RNFT2: variants seen among roughly 807,000 people sequenced by gnomAD.
The protein encoded by RNFT2 is ring finger protein, transmembrane 2, also known as E3 ubiquitin-protein ligase RNFT2.
Under a neutral mutation model 53.0 loss-of-function variants are expected in RNFT2, and 36 were observed. That is an observed-to-expected ratio of 0.68 (90% confidence interval 0.52 to 0.90). The LOEUF is 0.90. Among genes scored for constraint, RNFT2 ranks in the 40% least tolerant of loss-of-function variants. The pLI is 0.00. For missense variants in RNFT2, 514 were observed against 585.6 expected (o/e 0.88, Z 1.26); for synonymous variants, 260 against 253.2 (o/e 1.03, Z -0.26).
At chr12:116,789,046 AGATG>A (rs1263177506) in intron 7 of RNFT2, among the ~76,000 whole-genome samples, 27 of 109,494 alleles carry the variant, frequency 2.5e-4, no homozygotes, top group Middle Eastern at 7.8e-3. Flanking sequence ...GGAGGAGAGT[AGATG>A]GATGGATGGA....
chr12:116,823,912 G>A lies in RNFT2; in HGVS notation c.883-9880G>A, dbSNP rs138027941. On this transcript the variant is annotated intron_variant, in intron 7 of 10. Coordinates refer to ENST00000257575, the MANE Select transcript of RNFT2 (RefSeq NM_001382266.1). ...CTACCATTAGCCCCATTTTACTAGCGAGGAAACTGAGGCACAAAAGGATGA... is the reference window on the plus strand; with the variant it reads ...CTACCATTAGCCCCATTTTACTAGCAAGGAAACTGAGGCACAAAAGGATGA... Among the ~76,000 whole-genome samples the A allele has an allele frequency of 2.2e-4, 34 of 152,174 alleles. No homozygotes were observed. The East Asian group carries it at 6.2e-3, about 28-fold the overall frequency.
intron 7 of RNFT2, among the ~76,000 whole-genome samples, chr12:116,788,350 A>G (rs1319505025): frequency 6.6e-6 from 1 of 152,184 alleles, no homozygotes; most frequent in Non-Finnish European, 1.5e-5. Context: ...AAACTAACCT[A>G]CAATCTTCTA....
chr12:116,755,472 G>T (rs942901105), intron 5 of RNFT2: 8 of 1,130,288 alleles, frequency 7.1e-6, no homozygotes, highest in Non-Finnish European at 9.5e-6. Context: ...GCTTCTCTGG[G>T]TGGAGCAGGC....
intron 7 of RNFT2, among the ~76,000 whole-genome samples, chr12:116,833,358 G>T (rs985989390): frequency 6.6e-6 from 1 of 152,212 alleles, no homozygotes. Context: ...ATCCTGCCCA[G>T]GCCCCTGAGA....
intron 7 of RNFT2, among the ~76,000 whole-genome samples, chr12:116,830,471 A>G (rs963973467): frequency 6.6e-6 from 1 of 152,006 alleles, no homozygotes; most frequent in Non-Finnish European, 1.5e-5. Flanking sequence ...AATTTTTTGT[A>G]GACACAAGAT....
intron 5 of RNFT2, 109 bp downstream of exon 5, chr12:116,754,169 C>T (rs1872387066): frequency 1.2e-6 from 1 of 834,830 alleles, no homozygotes; most frequent in South Asian, 1.4e-5. Flanking sequence ...ATTCTTATGC[C>T]TTTGCGTCCT....
At chr12:116,806,557 G>T (rs1285299559) in intron 7 of RNFT2, among the ~76,000 whole-genome samples, 1 of 151,684 alleles carries the variant, frequency 6.6e-6, no homozygotes, top group Non-Finnish European at 1.5e-5. Flanking sequence ...CCAAGCCTGG[G>T]CAACATAGTG....
intron 7 of RNFT2, among the ~76,000 whole-genome samples, chr12:116,799,001 T>C (rs1253880848): frequency 6.6e-6 from 1 of 152,260 alleles, no homozygotes; most frequent in East Asian, 1.9e-4. Context: ...GTCAGCTTGA[T>C]TGAGTTTTCT....
At chr12:116,811,073 C>T (rs987310960) in intron 7 of RNFT2, among the ~76,000 whole-genome samples, 10 of 152,092 alleles carry the variant, frequency 6.6e-5, no homozygotes, top group Non-Finnish European at 1.3e-4. Flanking sequence ...CTCCCTTCTC[C>T]ATGCCTCAGT....
At chr12:116,744,343 C>T (rs1480964215) in intron 3 of RNFT2, among the ~76,000 whole-genome samples, 1 of 151,916 alleles carries the variant, frequency 6.6e-6, no homozygotes, top group African/African-American at 2.4e-5. Context: ...CTAAAGACAA[C>T]ATTGTCATCT....
In RNFT2 at chr12:116,852,102, C is replaced by T; in HGVS notation, c.*2654C>T. On this transcript the variant is annotated 3_prime_UTR_variant, in exon 11 of 11. Transcript: ENST00000257575. ...TGCTCTGAAATCTGGCATGAGATGG[C>T]ACAGGTGACCACGCAGAAGCCACCA... The T allele has an allele frequency of 2.0e-6, 2 of 986,542 alleles. No homozygotes were observed. The highest frequency in any genetic ancestry group is 2.9e-6 in the Non-Finnish European group (2 of 698,150). 61.1% of individuals were successfully genotyped at this position (986,542 alleles called of 1,614,324 possible). A position where few individuals can be genotyped will look rare whatever the true frequency, so the allele number is the denominator to read the frequency against.
intron 3 of RNFT2, among the ~76,000 whole-genome samples, chr12:116,748,485 T>C (rs1269901431): frequency 6.6e-6 from 1 of 152,204 alleles, no homozygotes; most frequent in African/African-American, 2.4e-5. Flanking sequence ...CAAAACGTAT[T>C]TTAAATTTAA....
intron 10 of RNFT2, among the ~76,000 whole-genome samples, chr12:116,847,383 A>G (rs1877671725): frequency 6.6e-6 from 1 of 152,092 alleles, no homozygotes; most frequent in Non-Finnish European, 1.5e-5. Flanking sequence ...TAACATGTTA[A>G]TTAATCTTCC....
intron 7 of RNFT2, among the ~76,000 whole-genome samples, chr12:116,782,479 A>G (rs1873759397): frequency 6.6e-6 from 1 of 152,180 alleles, no homozygotes. Context: ...GTGAGCCATG[A>G]TCGTGCCACT....
intron 4 of RNFT2, among the ~76,000 whole-genome samples, chr12:116,751,570 A>G (rs1872254141): frequency 6.6e-6 from 1 of 151,588 alleles, no homozygotes. Flanking sequence ...CACCCAGCTA[A>G]TTTTTGTATT....
intron 1 of RNFT2, among the ~76,000 whole-genome samples, chr12:116,739,639 C>T (rs530732334): frequency 2.2e-4 from 34 of 152,286 alleles, no homozygotes; most frequent in African/African-American, 7.9e-4. Context: ...GGGGAGGGCA[C>T]AGCAAGTGCA....
chr12:116,791,996 C>T (rs1433109007), intron 7 of RNFT2, among the ~76,000 whole-genome samples: 1 of 152,122 alleles, frequency 6.6e-6, no homozygotes, highest in Admixed American at 6.5e-5. Context: ...AGAACTGCTA[C>T]CCTGAATTAT....
intron 5 of RNFT2, among the ~76,000 whole-genome samples, chr12:116,762,525 C>T (rs932852616): frequency 6.6e-6 from 1 of 151,852 alleles, no homozygotes; most frequent in Non-Finnish European, 1.5e-5. Context: ...TCCCTTGAAC[C>T]CAGGAGTTTG....
chr12:116,840,916 A>G (rs1304782244), intron 10 of RNFT2, among the ~76,000 whole-genome samples: 1 of 78,144 alleles, frequency 1.3e-5, no homozygotes, highest in Non-Finnish European at 3.7e-5. Context: ...GGTTAGGGGT[A>G]TGTGTCTGTG....
Sources: allele counts gnomAD v4.1 joint callset (sites outside exome capture counted in the v4.1 genomes callset), GRCh38; gene constraint gnomAD v4.1.1; transcripts MANE v1.5; gene names NCBI Gene and HGNC (gene_info 2026-07-23, HGNC 2026-07-21).